The following DNASE2B variants were observed in gnomAD, a reference collection of about 807,000 sequenced individuals.
DNASE2B encodes the protein deoxyribonuclease-2-beta.
DNASE2B carries 43 observed loss-of-function variants against 46.0 expected under a neutral mutation model. The ratio of observed to expected loss-of-function variants is 0.94; its 90% CI spans 0.73 to 1.21. DNASE2B has a LOEUF of 1.21. DNASE2B is among the 50% of genes most tolerant of loss of function. The pLI is 0.00. For missense variants in DNASE2B, 395 were observed against 414.4 expected, an observed-to-expected ratio of 0.95 and a Z score of 0.41; for synonymous variants, 156 against 152.5, an observed-to-expected ratio of 1.02 and a Z score of -0.17.
At chr1:84,404,705 C>T (rs1210670961) in intron 2 of DNASE2B, among the ~76,000 whole-genome samples, 2 of 152,172 alleles carry the variant, frequency 1.3e-5, no homozygotes, top group East Asian at 3.9e-4. Flanking sequence ...TCCTTACTGG[C>T]AAGGTACCTT....
chr1:84,412,909 T>A (rs1255907594), intron 5 of DNASE2B, among the ~76,000 whole-genome samples: 1 of 151,812 alleles, frequency 6.6e-6, no homozygotes, highest in Admixed American at 6.6e-5. Context: ...TTTTCCTTCA[T>A]AAATAGAACA....
intron 2 of DNASE2B, among the ~76,000 whole-genome samples, chr1:84,405,116 T>C (rs1195559801): frequency 6.9e-6 from 1 of 145,358 alleles, no homozygotes; most frequent in African/African-American, 2.5e-5. Context: ...GTTATCTTAA[T>C]TTTTTTTTTT....
Position 84,412,354 on chromosome 1 carries a change from C to A in DNASE2B, c.553C>A (p.Gln185Lys). ...KYNQYEAIDSQLLVCNPNVYS... is the reference protein window; with the variant it reads ...KYNQYEAIDSKLLVCNPNVYS... Reference sequence around the variant, plus strand: ...TTTACTGTTTCTTGATTCAGATTCTCAGCTCTTGGTCTGCAACCCCAACGT... The same window carrying A: ...TTTACTGTTTCTTGATTCAGATTCTAAGCTCTTGGTCTGCAACCCCAACGT... Residue 185 changes from glutamine to lysine, a missense_variant, in exon 5 of 6, where the codon CAG (glutamine) becomes AAG (lysine). Coordinates refer to ENST00000370665, the MANE Select transcript of DNASE2B (RefSeq NM_021233.3). 6.5e-7 allele frequency: 1 copy of A among 1,537,398 alleles called. No individual in the cohort carries two copies.
intron 3 of DNASE2B, among the ~76,000 whole-genome samples, chr1:84,409,298 G>C (rs1680546842): frequency 6.6e-6 from 1 of 151,986 alleles, no homozygotes; most frequent in South Asian, 2.1e-4. Context: ...CAAGTATTCA[G>C]AAGATTCCAA....
intron 1 of DNASE2B, among the ~76,000 whole-genome samples, chr1:84,399,903 T>C (rs1300222090): frequency 6.6e-6 from 1 of 152,116 alleles, no homozygotes; most frequent in Non-Finnish European, 1.5e-5. Context: ...GCTGGATGGA[T>C]GGGGAGCAGC....
In DNASE2B at chr1:84,398,526, C is replaced by T. The variant is rs2101845269; in HGVS notation, c.-39C>T. 6.2e-7 allele frequency: 1 copy of T among 1,610,208 alleles called. No homozygotes were observed. Among genetic ancestry groups the T allele is most frequent in the Non-Finnish European group, 8.5e-7 (1 of 1,177,718 alleles). ...AGAGCGCCTTGAAACTCAGACTCCA[C>T]AATCTATGGGGAAAGTGTCCTGCTG... On this transcript the variant is annotated 5_prime_UTR_variant, in exon 1 of 6. Coordinates refer to ENST00000370665, the MANE Select transcript of DNASE2B (RefSeq NM_021233.3).
chr1:84,407,713 A>G (rs1245242142), intron 2 of DNASE2B, among the ~76,000 whole-genome samples: 1 of 152,192 alleles, frequency 6.6e-6, no homozygotes, highest in African/African-American at 2.4e-5. Flanking sequence ...CATGAAAAAT[A>G]GATACTATCG....
At chr1:84,406,920 C>T (rs956006261) in intron 2 of DNASE2B, among the ~76,000 whole-genome samples, 4 of 152,262 alleles carry the variant, frequency 2.6e-5, no homozygotes, top group African/African-American at 7.2e-5. Context: ...AAGAATCTTC[C>T]GTGTACCTTC....
chr1:84,398,534 G>A lies in DNASE2B; in HGVS notation c.-31G>A, dbSNP rs1470663036. 1 of 1,612,064 alleles carries A rather than the reference G, an allele frequency of 6.2e-7. No individual in the cohort carries two copies. The highest frequency in any genetic ancestry group is 8.5e-7 in the Non-Finnish European group (1 of 1,178,876). ...TTGAAACTCAGACTCCACAATCTAT[G>A]GGGAAAGTGTCCTGCTGTGGCATGA... On this transcript the variant is annotated 5_prime_UTR_variant, in exon 1 of 6. It removes an upstream start codon present in the reference 5' UTR. Coordinates refer to ENST00000370665, the MANE Select transcript of DNASE2B (RefSeq NM_021233.3).
Position 84,411,080 on chromosome 1 carries a change from T to C in DNASE2B, c.547+81T>C, listed in dbSNP as rs558924581. 9.0e-6 allele frequency: 13 copies of C among 1,438,918 alleles called. No individual in the cohort carries two copies. In the East Asian group the frequency reaches 3.2e-4, roughly 36 times the overall value. The allele number at this position is 1,438,918 out of a possible 1,614,324, so 89.1% of individuals were successfully genotyped here. ...GAAATATATTCATAAATGTGTCACTTCATTTGTTAATCTATTCATAGACCC... is the reference window on the plus strand; with the variant it reads ...GAAATATATTCATAAATGTGTCACTCCATTTGTTAATCTATTCATAGACCC... On this transcript the variant is annotated intron_variant, in intron 4 of 5. Transcript: ENST00000370665.
chr1:84,400,371 AAAAAAAC>A (rs1680384108), intron 1 of DNASE2B, among the ~76,000 whole-genome samples: 1 of 152,240 alleles, frequency 6.6e-6, no homozygotes. Flanking sequence ...TCCGTCTCAA[AAAAAAAC>A]AAAAAACAAA....
At position 84,414,622 on chromosome 1, in the gene DNASE2B, C is replaced by T; in HGVS notation, c.840C>T (p.Ser280=). Residue 280 remains serine (S), a synonymous_variant, in exon 6 of 6, where the codon TCC becomes TCT. Coordinates refer to ENST00000370665, the MANE Select transcript of DNASE2B (RefSeq NM_021233.3). ...GACAAGAGCTTCCTTCAAACTGCTCCCTTCCTTACCATGTCTACAATATAA... is the reference window on the plus strand; with the variant it reads ...GACAAGAGCTTCCTTCAAACTGCTCTCTTCCTTACCATGTCTACAATATAA... ...RKRQELPSNC[S]LPYHVYNIKA... is the part of the protein sequence containing the mutation. 4 of 1,614,132 alleles carry T rather than the reference C, an allele frequency of 2.5e-6. No individual in the cohort carries two copies. The highest frequency in any genetic ancestry group is 3.4e-6 in the Non-Finnish European group (4 of 1,180,000).
At chr1:84,398,760 A>C (rs947947092) in intron 1 of DNASE2B, 71 bp downstream of exon 1, 1 of 1,573,076 alleles carries the variant, frequency 6.4e-7, no homozygotes, top group African/African-American at 1.4e-5. Context: ...GCTCACTGCG[A>C]AGTTCCTAAG....
At chr1:84,409,494 A>G (rs1680550251) in intron 3 of DNASE2B, among the ~76,000 whole-genome samples, 1 of 152,238 alleles carries the variant, frequency 6.6e-6, no homozygotes, top group African/African-American at 2.4e-5. Context: ...TGCAAGCGCA[A>G]TAAAATGTAT....
intron 4 of DNASE2B, 139 bp downstream of exon 4, chr1:84,411,138 A>G: frequency 9.1e-7 from 1 of 1,104,282 alleles, no homozygotes; most frequent in Non-Finnish European, 1.3e-6. Flanking sequence ...TGGCTTTGCC[A>G]TGGTGAGGTC....
Position 84,414,672 on chromosome 1 carries a change from C to T in DNASE2B, c.890C>T (p.Ser297Phe). ...AAAGCAATTAAATTATCACGACACT[C>T]TTATTTCAGTTCTTATCAAGATCAT... is the stretch of plus-strand genomic sequence containing the variant. ...NIKAIKLSRH[S>F]YFSSYQDHAK... is the part of the protein sequence containing the mutation. The change falls in exon 6 of 6, where the codon TCT becomes TTT. Residue 297 changes from serine to phenylalanine, a missense_variant. Transcript: ENST00000370665. 1 of 1,614,166 alleles carries T rather than the reference C, an allele frequency of 6.2e-7. No homozygotes were observed. The highest frequency in any genetic ancestry group is 1.1e-5 in the South Asian group (1 of 91,078).
chr1:84,405,042 G>A (rs1680475024), intron 2 of DNASE2B, among the ~76,000 whole-genome samples: 1 of 151,924 alleles, frequency 6.6e-6, no homozygotes, highest in African/African-American at 2.4e-5. Flanking sequence ...TCCCCTCAAT[G>A]ATTTTCTTGA....
intron 5 of DNASE2B, among the ~76,000 whole-genome samples, chr1:84,413,034 AC>A (rs1339540580): frequency 2.8e-4 from 35 of 127,186 alleles, no homozygotes; most frequent in African/African-American, 1.1e-3. Flanking sequence ...GAAGTGATGC[AC>A]CCCCTATGCT....
chr1:84,404,352 A>G (rs531196927), intron 2 of DNASE2B, among the ~76,000 whole-genome samples: 1 of 152,288 alleles, frequency 6.6e-6, no homozygotes, highest in South Asian at 2.1e-4. Context: ...TCTGTCATAA[A>G]TCCTGTGAAG....
Sources: gnomAD v4.1 joint callset for allele counts (sites outside exome capture counted in the v4.1 genomes callset) on GRCh38, gnomAD v4.1.1 for gene constraint, MANE v1.5 for transcripts, NCBI Gene and HGNC (gene_info 2026-07-23, HGNC 2026-07-21) for gene names.